PLCH1: variants seen among roughly 807,000 people sequenced by gnomAD.
PLCH1 encodes 1-phosphatidylinositol 4,5-bisphosphate phosphodiesterase eta-1.
In PLCH1, 60 loss-of-function variants were observed where a neutral mutation model predicts 126.7. That is an observed-to-expected ratio of 0.47 (90% CI 0.38 to 0.59). The LOEUF (loss-of-function observed/expected upper bound fraction) is 0.59, where lower values mean the gene tolerates loss of function less well. Ranked by LOEUF, PLCH1 falls within the 20% of genes least tolerant of loss-of-function variation. The probability of loss-of-function intolerance (pLI) is 0.00; values close to 1 mark genes in which losing one functional copy is unlikely to be tolerated. For synonymous variants in PLCH1, 719 were observed against 734.9 expected (o/e 0.98, Z 0.35); for missense variants, 1,723 against 2,040.0 (o/e 0.84, Z 2.99).
Position 155,472,639 on chromosome 3 carries a change from A to G in PLCH1, c.2938+12717T>C, listed in dbSNP as rs540053284. On this transcript the variant is annotated intron_variant, in intron 21 of 21. Coordinates refer to the PLCH1 transcript ENST00000494598. ...AGACAAAACCAAAAAAGAGAATTTT[A>G]GACCAATATCCTTGATGAACATTGA... 2.0e-4 allele frequency among the ~76,000 whole-genome samples: 31 copies of G among 152,058 alleles called. No homozygotes were observed. In the East Asian group the frequency reaches 5.8e-3, roughly 29 times the overall value.
intron 2 of PLCH1, among the ~76,000 whole-genome samples, chr3:155,647,339 G>A (rs1740173890): frequency 1.3e-5 from 2 of 151,784 alleles, no homozygotes; most frequent in South Asian, 4.2e-4. Context: ...ATATTCCCAG[G>A]ATGAAAGACG....
chr3:155,728,266 A>T (rs149057372), intron 1 of PLCH1, among the ~76,000 whole-genome samples: 23 of 152,342 alleles, frequency 1.5e-4, no homozygotes, highest in Non-Finnish European at 2.4e-4. Context: ...CCACAGATCC[A>T]TGCAGTTTGA....
intron 10 of PLCH1, among the ~76,000 whole-genome samples, chr3:155,548,972 T>C (rs1404375981): frequency 6.6e-6 from 1 of 152,204 alleles, no homozygotes; most frequent in African/African-American, 2.4e-5. Flanking sequence ...TATATATTTG[T>C]TTTTTCATAC....
chr3:155,652,324 C>T (rs940656861), intron 2 of PLCH1, among the ~76,000 whole-genome samples: 1 of 152,126 alleles, frequency 6.6e-6, no homozygotes, highest in African/African-American at 2.4e-5. Flanking sequence ...CTAATGGACA[C>T]GAAGAAGCCA....
chr3:155,575,138 A>T (rs556724331), intron 6 of PLCH1, among the ~76,000 whole-genome samples: 1 of 152,258 alleles, frequency 6.6e-6, no homozygotes, highest in South Asian at 2.1e-4. Context: ...CTAAAAAAAA[A>T]ATAAATAAAT....
At chr3:155,463,989 A>C (rs1323011794) in intron 21 of PLCH1, among the ~76,000 whole-genome samples, 3 of 152,222 alleles carry the variant, frequency 2.0e-5, no homozygotes, top group African/African-American at 7.2e-5. Flanking sequence ...AGCTAGGGAA[A>C]AGGGACAAGG....
chr3:155,481,075 C>G lies in PLCH1; in HGVS notation c.4951G>C (p.Ala1651Pro), dbSNP rs1560040000. 6.2e-7 allele frequency: 1 copy of G among 1,614,140 alleles called. No individual in the cohort carries two copies. Among genetic ancestry groups the G allele is most frequent in the Non-Finnish European group, 8.5e-7 (1 of 1,179,946 alleles). Residue 1651 changes from alanine (A) to proline (P), a missense_variant, in exon 23 of 23, where the codon GCT becomes CCT. Around this residue, in one of 2 missense-constraint regions of PLCH1, gnomAD observed 947 missense variants for 977.1 expected, o/e 0.97. Coordinates refer to ENST00000460012, the MANE Select transcript of PLCH1 (RefSeq NM_014996.4). This position sits in a 1 kb window ranked among gnomAD's most constrained non-coding sequence, Gnocchi z 4.2. The part of the protein sequence containing the change: ...GRGIPEGACT[A>P]LHYGHVDQFC... ...TGGTCAACGTGGCCATAGTGAAGAG[C>G]CGTGCATGCCCCCTCTGGGATGCCC...
chr3:155,717,885 A>C (rs1004895892), intron 1 of PLCH1, among the ~76,000 whole-genome samples: 3 of 152,124 alleles, frequency 2.0e-5, no homozygotes, highest in Non-Finnish European at 2.9e-5. Context: ...TTCCTCTCCC[A>C]AAAAAAGTGT....
In PLCH1 at chr3:155,482,357, G is replaced by A. The variant is rs567889001; in HGVS notation, c.3669C>T (p.Ser1223=). 4 of 1,614,150 alleles carry A rather than the reference G, an allele frequency of 2.5e-6. No individual in the cohort carries two copies. In the South Asian group the frequency reaches 4.4e-5, roughly 18 times the overall value. The change falls in exon 23 of 23, where the codon AGC becomes AGT. Residue 1223 remains serine, a synonymous_variant. Transcript: ENST00000460012. Reference sequence around the variant, plus strand: ...GCTTGATGGGCATTTTTAGGCCCAGGCTAGGCAAGGGACAATGGCCTGACA... The same window carrying A: ...GCTTGATGGGCATTTTTAGGCCCAGACTAGGCAAGGGACAATGGCCTGACA... ...SVMSGHCPLP[S]LGLKMPIKHG... is the part of the protein sequence containing the mutation.
chr3:155,531,079 A>G (rs1722610252), intron 10 of PLCH1, among the ~76,000 whole-genome samples: 1 of 81,138 alleles, frequency 1.2e-5, no homozygotes, highest in African/African-American at 4.9e-5. Flanking sequence ...ATGCTGTAAA[A>G]ATATGTGCTG....
At position 155,488,691 on chromosome 3, in the gene PLCH1, T is replaced by C; in HGVS notation, c.2508A>G (p.Gln836=). ...HDPIGRDFVG[Q]RTVTFSSLVP... ...CTAAGCTGCTGAAGGTCACAGTTCT[T>C]TGTCCAACAAAGTCTCGTCCAATGG... Residue 836 remains glutamine, a synonymous_variant, in exon 20 of 23, where the codon CAA becomes CAG. Transcript: ENST00000460012. 1 of 1,613,854 alleles carries C rather than the reference T, an allele frequency of 6.2e-7. No individual in the cohort carries two copies. The highest frequency in any genetic ancestry group is 8.5e-7 in the Non-Finnish European group (1 of 1,179,916).
At position 155,482,631 on chromosome 3, in the gene PLCH1, C is replaced by A; in HGVS notation, c.3395G>T (p.Gly1132Val). ...HSNLEIKNLE[G>V]NRGKGRAATS... is the part of the protein sequence containing the mutation. ...TGCAGCTCGGCCCTTACCCCTATTA[C>A]CTTCCAGGTTCTTAATTTCTAGGTT... Residue 1132 changes from glycine (G) to valine (V), a missense_variant, in exon 23 of 23, where the codon GGT becomes GTT. Physicochemically the swap from Gly to Val is moderately radical, Grantham distance 109 (BLOSUM62 -3). Coordinates refer to ENST00000460012, the MANE Select transcript of PLCH1 (RefSeq NM_014996.4). 6.2e-7 allele frequency: 1 copy of A among 1,614,148 alleles called. No homozygotes were observed. Among genetic ancestry groups the A allele is most frequent in the Non-Finnish European group, 8.5e-7 (1 of 1,180,014 alleles).
chr3:155,722,481 T>G (rs1425240617), intron 1 of PLCH1, among the ~76,000 whole-genome samples: 4 of 152,162 alleles, frequency 2.6e-5, no homozygotes, highest in African/African-American at 9.7e-5. Context: ...TGTTATTACC[T>G]TAATGTATGT....
chr3:155,557,648 T>C (rs1489455558), intron 8 of PLCH1, among the ~76,000 whole-genome samples: 3 of 152,188 alleles, frequency 2.0e-5, no homozygotes, highest in Non-Finnish European at 4.4e-5. Flanking sequence ...TAAGTGCTAA[T>C]GCTGTAAATG....
At chr3:155,465,297 G>A (rs1712886089) in intron 21 of PLCH1, among the ~76,000 whole-genome samples, 1 of 152,002 alleles carries the variant, frequency 6.6e-6, no homozygotes, top group African/African-American at 2.4e-5. Context: ...TACAAGCTCA[G>A]CCACAGCAGA....
At chr3:155,518,473 T>C (rs1303170583) in intron 11 of PLCH1, among the ~76,000 whole-genome samples, 2 of 152,184 alleles carry the variant, frequency 1.3e-5, no homozygotes, top group African/African-American at 4.8e-5. Flanking sequence ...TTCCATACAA[T>C]GCAGCAGCCA....
At chr3:155,573,768 C>G (rs1729561908) in intron 6 of PLCH1, among the ~76,000 whole-genome samples, 1 of 152,116 alleles carries the variant, frequency 6.6e-6, no homozygotes, top group Non-Finnish European at 1.5e-5. Context: ...AAATAGAATT[C>G]AATTCTTGGT....
At chr3:155,646,885 C>T (rs115043096) in intron 2 of PLCH1, among the ~76,000 whole-genome samples, 1 of 152,332 alleles carries the variant, frequency 6.6e-6, no homozygotes, top group Non-Finnish European at 1.5e-5. Context: ...GCACAAGGAA[C>T]ATTACAATAC....
intron 1 of PLCH1, among the ~76,000 whole-genome samples, chr3:155,721,808 G>A (rs953911030): frequency 1.3e-5 from 2 of 152,192 alleles, no homozygotes; most frequent in African/African-American, 4.8e-5. Context: ...AGCACTTTGG[G>A]AAGCCAAGGT....
Sources: allele counts gnomAD v4.1 joint callset (sites outside exome capture counted in the v4.1 genomes callset), GRCh38; gene constraint gnomAD v4.1.1; regional missense constraint gnomAD v4.1.1; non-coding constraint Gnocchi (gnomAD v3.1); transcripts MANE v1.5; gene names NCBI Gene and HGNC (gene_info 2026-07-23, HGNC 2026-07-21).